Variants in LRMDA observed in about 807,000 individuals in gnomAD.
LRMDA encodes the protein leucine rich melanocyte differentiation associated, also known as leucine-rich melanocyte differentiation-associated protein.
In LRMDA, 18 loss-of-function variants were observed where a neutral mutation model predicts 29.8. The observed-to-expected ratio is 0.60, with a 90% CI of 0.42 to 0.90. The LOEUF is 0.90. Among genes scored for constraint, LRMDA ranks in the 40% least tolerant of loss-of-function variants. LRMDA has a pLI of 0.00. For missense variants in LRMDA, 273 were observed against 273.9 expected (o/e 1.00, Z 0.02); for synonymous variants, 125 against 109.4 (o/e 1.14, Z -0.89).
At chr10:76,159,343 C>T (rs549385860) in intron 5 of LRMDA, among the ~76,000 whole-genome samples, 8 of 152,254 alleles carry the variant, frequency 5.3e-5, no homozygotes, top group Admixed American at 2.0e-4. Flanking sequence ...TACCACTGTG[C>T]ACCTATTAGA....
At chr10:76,095,734 C>T (rs187292899) in intron 5 of LRMDA, among the ~76,000 whole-genome samples, 1 of 152,002 alleles carries the variant, frequency 6.6e-6, no homozygotes, top group South Asian at 2.1e-4. Flanking sequence ...GATATCTATG[C>T]CATTGTGGTC....
intron 2 of LRMDA, among the ~76,000 whole-genome samples, chr10:75,779,263 C>G (rs1843349633): frequency 6.6e-6 from 1 of 152,066 alleles, no homozygotes; most frequent in South Asian, 2.1e-4. Context: ...TATTTGACCC[C>G]TTTTGCCCCT....
intron 6 of LRMDA, among the ~76,000 whole-genome samples, chr10:76,401,447 C>T (rs1841847952): frequency 6.6e-6 from 1 of 152,204 alleles, no homozygotes; most frequent in Non-Finnish European, 1.5e-5. Flanking sequence ...TCACCATCTT[C>T]TTGAGACTCT....
intron 6 of LRMDA, among the ~76,000 whole-genome samples, chr10:76,488,879 T>A (rs1048726355): frequency 5.3e-5 from 8 of 151,732 alleles, no homozygotes; most frequent in Admixed American, 4.6e-4. Flanking sequence ...CCATATGTGG[T>A]TGAGTTTGGT....
intron 5 of LRMDA, among the ~76,000 whole-genome samples, chr10:76,257,360 T>G (rs1852615192): frequency 6.9e-6 from 1 of 144,474 alleles, no homozygotes; most frequent in African/African-American, 2.6e-5. Context: ...TGAGACAAAG[T>G]CTCACTCTTG....
intron 2 of LRMDA, among the ~76,000 whole-genome samples, chr10:75,440,222 C>T (rs1267732155): frequency 6.9e-6 from 1 of 145,976 alleles, no homozygotes; most frequent in Non-Finnish European, 1.5e-5. Flanking sequence ...GGAAATGACA[C>T]ATACTAGATG....
At chr10:76,291,451 C>A (rs1840339272) in intron 5 of LRMDA, among the ~76,000 whole-genome samples, 1 of 152,116 alleles carries the variant, frequency 6.6e-6, no homozygotes, top group Non-Finnish European at 1.5e-5. Context: ...ATGGCTGAAT[C>A]ACTAACACCT....
At chr10:75,859,782 T>C (rs369553018) in intron 2 of LRMDA, among the ~76,000 whole-genome samples, 1 of 152,222 alleles carries the variant, frequency 6.6e-6, no homozygotes, top group East Asian at 1.9e-4. Context: ...TCTGTTATGC[T>C]ATTTATGTCT....
intron 6 of LRMDA, among the ~76,000 whole-genome samples, chr10:76,483,965 T>C (rs1232367924): frequency 6.6e-6 from 1 of 151,926 alleles, no homozygotes; most frequent in African/African-American, 2.4e-5. Flanking sequence ...TAGTAATTAC[T>C]ATAGCTTTAT....
At chr10:75,910,661 A>G (rs1202791281) in intron 2 of LRMDA, among the ~76,000 whole-genome samples, 1 of 152,140 alleles carries the variant, frequency 6.6e-6, no homozygotes, top group African/African-American at 2.4e-5. Context: ...TTTGCTCAAG[A>G]TGTCAGCTGG....
intron 2 of LRMDA, among the ~76,000 whole-genome samples, chr10:75,697,804 TTCTC>T (rs1272337163): frequency 6.6e-6 from 1 of 151,262 alleles, no homozygotes; most frequent in African/African-American, 2.5e-5. Context: ...GGGCAACTCG[TTCTC>T]TCTCTCTGTA....
chr10:75,603,194 T>A (rs1247894250), intron 2 of LRMDA, among the ~76,000 whole-genome samples: 1 of 151,272 alleles, frequency 6.6e-6, no homozygotes, highest in Non-Finnish European at 1.5e-5. Context: ...TTTTTTTTTT[T>A]AAGTCAGTAT....
At chr10:76,291,598 A>C (rs2132348161) in intron 5 of LRMDA, among the ~76,000 whole-genome samples, 1 of 152,290 alleles carries the variant, frequency 6.6e-6, no homozygotes, top group South Asian at 2.1e-4. Flanking sequence ...CAGTCAGGTG[A>C]ACGTTTGCAT....
intron 2 of LRMDA, among the ~76,000 whole-genome samples, chr10:75,923,307 A>T (rs1031902165): frequency 5.9e-5 from 9 of 152,220 alleles, no homozygotes; most frequent in Non-Finnish European, 1.3e-4. Context: ...CAAAAATTCA[A>T]CTTGTTATAG....
intron 5 of LRMDA, among the ~76,000 whole-genome samples, chr10:76,258,650 A>G (rs1839896724): frequency 6.6e-6 from 1 of 151,880 alleles, no homozygotes; most frequent in Non-Finnish European, 1.5e-5. Flanking sequence ...CATCTCTTCC[A>G]CTTTTCATTT....
Position 76,158,296 on chromosome 10 carries a change from A to AT in LRMDA, c.516+99518dup, listed in dbSNP as rs1352175388. 2.0e-5 allele frequency among the ~76,000 whole-genome samples: 3 copies of AT among 151,842 alleles called. No homozygotes were observed. In the East Asian group the frequency reaches 5.8e-4, roughly 29 times the overall value. On this transcript the variant is annotated intron_variant, in intron 5 of 6. Coordinates refer to ENST00000611255, the MANE Select transcript of LRMDA (RefSeq NM_001305581.2). ...TGCCTCCTTCTTCCTGGTAACCTTCATTTTTGCTTTCCTATATAAAACCTT... is the reference window on the plus strand; with the variant it reads ...TGCCTCCTTCTTCCTGGTAACCTTCATTTTTTGCTTTCCTATATAAAACCTT...
At chr10:75,871,945 G>T (rs954439727) in intron 2 of LRMDA, among the ~76,000 whole-genome samples, 3 of 152,166 alleles carry the variant, frequency 2.0e-5, no homozygotes, top group African/African-American at 7.2e-5. Flanking sequence ...TTTTTAGTGA[G>T]CAAATTAATG....
In LRMDA at chr10:76,144,251, A is replaced by G. The variant is rs190526932; in HGVS notation, c.516+85468A>G. ...AAGAAAGCCATTGGTAGCTTGATGG[A>G]GATGGCATTGAATCTATAAATTACC... On this transcript the variant is annotated intron_variant, in intron 5 of 6. Coordinates refer to ENST00000611255, the MANE Select transcript of LRMDA (RefSeq NM_001305581.2). Among the ~76,000 whole-genome samples, 40 of 152,210 alleles carry G rather than the reference A, an allele frequency of 2.6e-4. No individual in the cohort carries two copies. The South Asian group carries it at 3.5e-3, about 13-fold the overall frequency.
intron 6 of LRMDA, among the ~76,000 whole-genome samples, chr10:76,373,316 C>A (rs7083461): frequency 6.6e-6 from 1 of 151,652 alleles, no homozygotes; most frequent in South Asian, 2.1e-4. Context: ...TCAGCATTGG[C>A]GATGTGAGGA....
Sources: allele counts gnomAD v4.1 joint callset (sites outside exome capture counted in the v4.1 genomes callset), GRCh38; gene constraint gnomAD v4.1.1; transcripts MANE v1.5; gene names NCBI Gene and HGNC (gene_info 2026-07-23, HGNC 2026-07-21).